The following PALM2AKAP2 variants were observed in gnomAD, a reference collection of about 807,000 sequenced individuals.
PALM2AKAP2 encodes PALM2-AKAP2 fusion protein.
PALM2AKAP2 carries 37 observed loss-of-function variants against 71.5 expected under a neutral mutation model. The observed-to-expected ratio is 0.52, with a 90% CI of 0.40 to 0.68. The LOEUF is 0.68. Ranked by LOEUF, PALM2AKAP2 falls within the 30% of genes least tolerant of loss-of-function variation. The probability of loss-of-function intolerance (pLI) is 0.00; values close to 1 mark genes in which losing one functional copy is unlikely to be tolerated. For synonymous variants in PALM2AKAP2, 468 were observed against 478.8 expected (o/e 0.98, Z 0.29); for missense variants, 1,224 against 1,191.8 (o/e 1.03, Z -0.40).
At chr9:110,132,036 T>C (rs1835746298) in intron 1 of PALM2AKAP2, among the ~76,000 whole-genome samples, 1 of 14,626 alleles carries the variant, frequency 6.8e-5, no homozygotes, top group Non-Finnish European at 1.5e-4. Context: ...AACTAGCGTG[T>C]GTGTGTGTGT....
In PALM2AKAP2 at chr9:109,953,545, C is replaced by T. The variant is rs192297877; in HGVS notation, c.496+21517C>T. Among the ~76,000 whole-genome samples the T allele has an allele frequency of 3.1e-4, 47 of 152,120 alleles. 1 individual carries two copies. Among genetic ancestry groups the T allele is most frequent in the Admixed American group, 1.5e-3 (23 of 15,286 alleles). On this transcript the variant is annotated intron_variant, in intron 6 of 9. Coordinates refer to the PALM2AKAP2 transcript ENST00000302798. ...TATGTTATGAAAGTGGTGTGGAGGC[C>T]GGGCGCTGGAGGCCAGGTGCGGTGG...
At chr9:110,120,005 T>G (rs762039136) in intron 1 of PALM2AKAP2, among the ~76,000 whole-genome samples, 1 of 152,190 alleles carries the variant, frequency 6.6e-6, no homozygotes, top group Non-Finnish European at 1.5e-5. Flanking sequence ...CCAAAGTTGA[T>G]TCTTAACTTG....
At chr9:109,745,232 A>T (rs942504010) in intron 1 of PALM2AKAP2, among the ~76,000 whole-genome samples, 1 of 152,130 alleles carries the variant, frequency 6.6e-6, no homozygotes, top group Non-Finnish European at 1.5e-5. Flanking sequence ...CAAGTCTGTC[A>T]TCCTAGCTAC....
At chr9:109,747,357 C>T (rs1055239046) in intron 1 of PALM2AKAP2, among the ~76,000 whole-genome samples, 2 of 152,168 alleles carry the variant, frequency 1.3e-5, no homozygotes, top group African/African-American at 4.8e-5. Flanking sequence ...AGATGTTTTA[C>T]TCTAGAAATG....
At chr9:110,032,006 G>A (rs192761147) in intron 7 of PALM2AKAP2, among the ~76,000 whole-genome samples, 30 of 147,534 alleles carry the variant, frequency 2.0e-4, no homozygotes, top group African/African-American at 7.0e-4. Flanking sequence ...TGATTCATGA[G>A]TATGATAAAA....
intron 6 of PALM2AKAP2, among the ~76,000 whole-genome samples, chr9:109,975,871 G>A (rs1235601375): frequency 1.3e-5 from 2 of 152,236 alleles, no homozygotes; most frequent in Non-Finnish European, 2.9e-5. Flanking sequence ...TTCAGGGTCA[G>A]CCGGTGGGGA....
intron 1 of PALM2AKAP2, among the ~76,000 whole-genome samples, chr9:109,789,543 C>G (rs933224677): frequency 6.6e-6 from 1 of 152,152 alleles, no homozygotes; most frequent in African/African-American, 2.4e-5. Context: ...ATTTTTTGAG[C>G]TAACCCTTCA....
intron 1 of PALM2AKAP2, among the ~76,000 whole-genome samples, chr9:110,093,685 C>T (rs1315793531): frequency 6.6e-6 from 1 of 152,152 alleles, no homozygotes; most frequent in African/African-American, 2.4e-5. Context: ...CCAGGCTCAT[C>T]TCCCCTGCTG....
intron 1 of PALM2AKAP2, among the ~76,000 whole-genome samples, chr9:109,848,529 A>T (rs1277911794): frequency 6.6e-6 from 1 of 152,158 alleles, no homozygotes; most frequent in Non-Finnish European, 1.5e-5. Flanking sequence ...CCTAGAGCTC[A>T]TGTCATGGCA....
intron 3 of PALM2AKAP2, among the ~76,000 whole-genome samples, chr9:109,903,331 G>T (rs1479284617): frequency 6.6e-6 from 1 of 151,846 alleles, no homozygotes; most frequent in African/African-American, 2.4e-5. Context: ...TGGACCACAG[G>T]GCCACTGGTT....
At chr9:110,094,501 G>A (rs1045043833) in intron 1 of PALM2AKAP2, among the ~76,000 whole-genome samples, 7 of 152,162 alleles carry the variant, frequency 4.6e-5, no homozygotes, top group African/African-American at 1.7e-4. Flanking sequence ...TCTGGTATCC[G>A]CTCAGCTTCT....
rs71492863 is a variant in PALM2AKAP2, at chr9:109,782,744, T to TTGTGTGTGTG, written c.45+2235_45+2244dup. Among the ~76,000 whole-genome samples, 473 of 144,294 alleles carry TTGTGTGTGTG rather than the reference T, an allele frequency of 3.3e-3. 5 individuals are homozygous for TTGTGTGTGTG. Among genetic ancestry groups the TTGTGTGTGTG allele is most frequent in the African/African-American group, 0.011 (397 of 37,666 alleles). The allele number at this position is 144,294 out of a possible 152,430, so 94.7% of individuals were successfully genotyped here. A position where few individuals can be genotyped will look rare whatever the true frequency, so the allele number is the denominator to read the frequency against. ...AGATTTGCTAACAGCGTGTGTTTGTTTGTGTGTGTGTGTGTGTGTGTGTGT... is the reference window on the plus strand; with the variant it reads ...AGATTTGCTAACAGCGTGTGTTTGTTTGTGTGTGTGTGTGTGTGTGTGTGTGTGTGTGTGT... On this transcript the variant is annotated intron_variant, in intron 1 of 9. Transcript: ENST00000302798.
chr9:109,813,965 G>A (rs1827789888), intron 1 of PALM2AKAP2, among the ~76,000 whole-genome samples: 2 of 152,194 alleles, frequency 1.3e-5, no homozygotes, highest in East Asian at 3.9e-4. Context: ...TGGTTCGCAT[G>A]TGCTCTTTTG....
chr9:109,740,635 C>T (rs1238355691), intron 1 of PALM2AKAP2, among the ~76,000 whole-genome samples: 6 of 152,072 alleles, frequency 3.9e-5, no homozygotes, highest in Admixed American at 3.3e-4. Flanking sequence ...TTTTATAGGG[C>T]TTTATAGAAT....
exon 2 of PALM2AKAP2, chr9:110,137,736 T>G (rs1216513274): frequency 1.9e-6 from 3 of 1,613,974 alleles, no homozygotes; most frequent in Non-Finnish European, 2.5e-6. Flanking sequence ...ATGGACAACA[T>G]CAGTGACAGC....
chr9:110,043,223 T>A (rs1244129571), intron 7 of PALM2AKAP2, among the ~76,000 whole-genome samples: 1 of 152,214 alleles, frequency 6.6e-6, no homozygotes, highest in Non-Finnish European at 1.5e-5. Flanking sequence ...TCAAATGCTG[T>A]TATCAGAAGT....
chr9:109,669,083 T>G (rs1827535440), intron 1 of PALM2AKAP2, among the ~76,000 whole-genome samples: 1 of 152,204 alleles, frequency 6.6e-6, no homozygotes, highest in Non-Finnish European at 1.5e-5. Flanking sequence ...TGAAGAAAAC[T>G]CACCTATACT....
At chr9:109,655,263 C>A (rs1309203487) in intron 1 of PALM2AKAP2, among the ~76,000 whole-genome samples, 2 of 143,828 alleles carry the variant, frequency 1.4e-5, no homozygotes, top group South Asian at 4.3e-4. Context: ...TCGGCCACTG[C>A]ACTCCAGGCT....
chr9:109,905,710 G>A (rs1005354052), intron 3 of PALM2AKAP2, among the ~76,000 whole-genome samples: 1 of 152,222 alleles, frequency 6.6e-6, no homozygotes, highest in African/African-American at 2.4e-5. Context: ...GTAGGTTAAG[G>A]GGCCAGGCTG....
Sources: allele counts gnomAD v4.1 joint callset (sites outside exome capture counted in the v4.1 genomes callset), GRCh38; gene constraint gnomAD v4.1.1; transcripts MANE v1.5; gene names NCBI Gene and HGNC (gene_info 2026-07-23, HGNC 2026-07-21).